IL9: variants seen among roughly 807,000 people sequenced by gnomAD.
IL9 encodes the protein interleukin-9.
IL9 carries 16 observed loss-of-function variants against 12.9 expected under a neutral mutation model. That is an observed-to-expected ratio of 1.24 (90% CI 0.84 to 1.88). The LOEUF is 1.88. Among genes scored for constraint, IL9 ranks in the 40% most tolerant of loss-of-function variants. The pLI is 0.00. For missense variants in IL9, 170 were observed against 173.1 expected (o/e 0.98, Z 0.10); for synonymous variants, 69 against 63.8 (o/e 1.08, Z -0.39).
chr5:135,894,455 AG>A (rs1392606524), intron 3 of IL9, among the ~76,000 whole-genome samples: 2 of 152,160 alleles, frequency 1.3e-5, no homozygotes, highest in Non-Finnish European at 2.9e-5. Flanking sequence ...CCCGGCTTCA[AG>A]GCTTGTAAGT....
intron 3 of IL9, among the ~76,000 whole-genome samples, 183 bp downstream of exon 3, chr5:135,895,257 C>G (rs1017875781): frequency 6.6e-6 from 1 of 152,044 alleles, no homozygotes; most frequent in Non-Finnish European, 1.5e-5. Flanking sequence ...TATAGGATTT[C>G]AAGATCGTAG....
intron 4 of IL9, among the ~76,000 whole-genome samples, chr5:135,892,835 T>C (rs959821051): frequency 6.6e-6 from 1 of 151,182 alleles, no homozygotes; most frequent in African/African-American, 2.4e-5. Flanking sequence ...TGGGGACTCT[T>C]TGAGGCCTAA....
intron 2 of IL9, 24 bp downstream of exon 2, chr5:135,895,531 A>G (rs760637041): frequency 2.5e-6 from 4 of 1,613,584 alleles, no homozygotes; most frequent in African/African-American, 1.3e-5. Flanking sequence ...TAATTTGGAA[A>G]GTTCTTAAAG....
chr5:135,895,477 A>G lies in IL9; in HGVS notation c.151-5T>C. ...CAAACAGAGACAACTGGTCACCTGCAAGGGAAATTTCAGAGTGAAGATTCC... is the reference window on the plus strand; with the variant it reads ...CAAACAGAGACAACTGGTCACCTGCGAGGGAAATTTCAGAGTGAAGATTCC... On this transcript the variant is annotated splice_polypyrimidine_tract_variant and splice_region_variant and intron_variant, in intron 2 of 4. Coordinates refer to ENST00000274520, the MANE Select transcript of IL9 (RefSeq NM_000590.2). 6.2e-7 allele frequency: 1 copy of G among 1,614,008 alleles called. No individual in the cohort carries two copies. Among genetic ancestry groups the G allele is most frequent in the Non-Finnish European group, 8.5e-7 (1 of 1,179,878 alleles).
chr5:135,895,695 C>T lies in IL9; in HGVS notation c.114+8G>A. The T allele has an allele frequency of 6.2e-7, 1 of 1,611,074 alleles. No individual in the cohort carries two copies. The highest frequency in any genetic ancestry group is 1.3e-5 in the African/African-American group (1 of 74,972). On this transcript the variant is annotated splice_region_variant and intron_variant, in intron 1 of 4. Transcript: ENST00000274520. Reference sequence around the variant, plus strand: ...CTGTCTTTCCCATGGGCTCCCCCTGCAGCCTACCTGCATCTTGTTGATGAG... The same window carrying T: ...CTGTCTTTCCCATGGGCTCCCCCTGTAGCCTACCTGCATCTTGTTGATGAG...
chr5:135,895,509 G>A, intron 2 of IL9, 37 bp from the exon 3 acceptor site: 1 of 1,613,590 alleles, frequency 6.2e-7, no homozygotes, highest in Non-Finnish European at 8.5e-7. Flanking sequence ...TTCCAGATGT[G>A]AAAATTAAAA....
chr5:135,892,569 C>G (rs1762885089), intron 4 of IL9, 59 bp from the exon 5 acceptor site: 4 of 1,541,856 alleles, frequency 2.6e-6, no homozygotes, highest in Non-Finnish European at 3.5e-6. Context: ...GCCAAGCAGC[C>G]CCAGAAGCCT....
In IL9 at chr5:135,894,045, T is replaced by A; in HGVS notation, c.290A>T (p.Glu97Val). Residue 97 changes from glutamate to valine, a missense_variant, in exon 4 of 5, where the codon GAA becomes GTA. Physicochemically the swap from Glu to Val is moderately radical, Grantham distance 121. Transcript: ENST00000274520. ...TGGACACTTGTTGTTCTTTAGTACT[T>A]CAACTGATTTTTTCACCCGACTGAA... ...LIFSRVKKSV[E>V]VLKNNKCPYF... The A allele has an allele frequency of 6.2e-7, 1 of 1,613,184 alleles. No homozygotes were observed.
chr5:135,893,482 C>T (rs776745218), intron 4 of IL9, among the ~76,000 whole-genome samples: 22 of 152,016 alleles, frequency 1.4e-4, no homozygotes, highest in Non-Finnish European at 2.5e-4. Context: ...CATGGTGGCA[C>T]GCACCTGTAA....
chr5:135,895,465 CT>C lies in IL9; in HGVS notation c.157del (p.Ser53ValfsTer24). 1.2e-6 allele frequency: 2 copies of C among 1,613,920 alleles called. No homozygotes were observed. The highest frequency in any genetic ancestry group is 1.7e-6 in the Non-Finnish European group (2 of 1,179,870). On this transcript the variant is annotated frameshift_variant, in exon 3 of 5. Transcript: ENST00000274520. LOFTEE classifies it high-confidence loss of function. ...AGAGGGAATGCCCAAACAGAGACAA[CT>C]GGTCACCTGCAAGGGAAATTTCAGA... ...SKCHCSANVT[S>X]CLCLGIPSDN...
chr5:135,892,563 A>G, intron 4 of IL9, 53 bp from the exon 5 acceptor site: 2 of 1,561,076 alleles, frequency 1.3e-6, no homozygotes, highest in East Asian at 2.3e-5. Context: ...TGTAGAGCCA[A>G]GCAGCCCCAG....
rs770338397 is a variant in IL9, at chr5:135,894,063, C to A, written c.272G>T (p.Arg91Leu). 4 of 1,612,876 alleles carry A rather than the reference C, an allele frequency of 2.5e-6. No individual in the cohort carries two copies. Among genetic ancestry groups the A allele is most frequent in the Non-Finnish European group, 3.4e-6 (4 of 1,179,678 alleles). Reference protein sequence around the residue: ...MQTRYPLIFSRVKKSVEVLKN... With the variant: ...MQTRYPLIFSLVKKSVEVLKN... ...TAGTACTTCAACTGATTTTTTCACC[C>A]GACTGAAAATCAGTGGGTATCTTGT... Residue 91 changes from arginine (R) to leucine (L), a missense_variant, in exon 4 of 5, where the codon CGG becomes CTG. Coordinates refer to ENST00000274520, the MANE Select transcript of IL9 (RefSeq NM_000590.2).
At chr5:135,894,930 C>G (rs1211848662) in intron 3 of IL9, among the ~76,000 whole-genome samples, 1 of 152,128 alleles carries the variant, frequency 6.6e-6, no homozygotes, top group Non-Finnish European at 1.5e-5. Context: ...ATCAGCTAGA[C>G]AGACAACAGG....
At chr5:135,893,333 C>T (rs1474081605) in intron 4 of IL9, among the ~76,000 whole-genome samples, 2 of 152,138 alleles carry the variant, frequency 1.3e-5, no homozygotes, top group African/African-American at 2.4e-5. Flanking sequence ...TAATGCAGGC[C>T]AGGCATGGTG....
In IL9 at chr5:135,892,452, A is replaced by C; in HGVS notation, c.374T>G (p.Leu125Arg). Residue 125 changes from leucine (L) to arginine (R), a missense_variant, in exon 5 of 5, where the codon CTG becomes CGG. By Grantham distance (102) the Leu-to-Arg change is moderately radical (BLOSUM62 -2). Transcript: ENST00000274520. The part of the protein sequence containing the change: ...QTTAGNALTF[L>R]KSLLEIFQKE... ...CTGGAAAATTTCCAGAAGACTCTTC[A>C]GAAATGTCAGCGCGTTGCCTGCCGT... The C allele has an allele frequency of 1.2e-6, 2 of 1,613,418 alleles. No individual in the cohort carries two copies. The highest frequency in any genetic ancestry group is 1.7e-6 in the Non-Finnish European group (2 of 1,179,616).
At chr5:135,893,756 A>G (rs1762905880) in intron 4 of IL9, among the ~76,000 whole-genome samples, 1 of 152,210 alleles carries the variant, frequency 6.6e-6, no homozygotes, top group Non-Finnish European at 1.5e-5. Flanking sequence ...TTCTAATTAC[A>G]CTCAGAAAGG....
Position 135,892,294 on chromosome 5 carries a change from G to T in IL9, c.*97C>A. 1 of 892,486 alleles carries T rather than the reference G, an allele frequency of 1.1e-6. No homozygotes were observed. 55.3% of individuals were successfully genotyped at this position (892,486 alleles called of 1,614,324 possible). A position where few individuals can be genotyped will look rare whatever the true frequency, so the allele number is the denominator to read the frequency against. ...CAATGTTAAACAAATAATCACAACTGATACTGATTTAGAGTAGCTTACTTG... is the reference window on the plus strand; with the variant it reads ...CAATGTTAAACAAATAATCACAACTTATACTGATTTAGAGTAGCTTACTTG... On this transcript the variant is annotated 3_prime_UTR_variant, in exon 5 of 5. Coordinates refer to ENST00000274520, the MANE Select transcript of IL9 (RefSeq NM_000590.2).
At chr5:135,892,570 C>A in intron 4 of IL9, 60 bp from the exon 5 acceptor site, 1 of 1,540,450 alleles carries the variant, frequency 6.5e-7, no homozygotes, top group African/African-American at 1.4e-5. Flanking sequence ...CCAAGCAGCC[C>A]CAGAAGCCTA....
At chr5:135,893,661 A>G (rs1262470822) in intron 4 of IL9, among the ~76,000 whole-genome samples, 1 of 152,166 alleles carries the variant, frequency 6.6e-6, no homozygotes, top group African/African-American at 2.4e-5. Context: ...AATCCCTGTT[A>G]ACAACATCCA....
Sources: allele counts gnomAD v4.1 joint callset (sites outside exome capture counted in the v4.1 genomes callset), GRCh38; gene constraint gnomAD v4.1.1; transcripts MANE v1.5; gene names NCBI Gene and HGNC (gene_info 2026-07-23, HGNC 2026-07-21).